CSMD1: variants seen among roughly 807,000 people sequenced by gnomAD.
CSMD1 encodes the protein CUB and Sushi multiple domains 1.
In CSMD1, 213 loss-of-function variants were observed where a neutral mutation model predicts 417.5. The ratio of observed to expected loss-of-function variants is 0.51; its 90% CI spans 0.46 to 0.57. CSMD1 has a LOEUF of 0.57. Ranked by LOEUF, CSMD1 falls within the 20% of genes least tolerant of loss-of-function variation. The probability of loss-of-function intolerance (pLI) is 0.00; values close to 1 mark genes in which losing one functional copy is unlikely to be tolerated. For synonymous variants in CSMD1, 2,862 were observed against 1,736.8 expected (o/e 1.65, Z -16.11); for missense variants, 6,923 against 4,529.7 (o/e 1.53, Z -15.17).
intron 11 of CSMD1, among the ~76,000 whole-genome samples, chr8:3,480,286 C>G (rs368514036): frequency 6.6e-6 from 1 of 152,162 alleles, no homozygotes; most frequent in Non-Finnish European, 1.5e-5. Flanking sequence ...TGCTTGAACC[C>G]AGGAGGCGGA....
intron 2 of CSMD1, among the ~76,000 whole-genome samples, chr8:4,610,947 A>G (rs1442130376): frequency 6.6e-6 from 1 of 152,244 alleles, no homozygotes; most frequent in Non-Finnish European, 1.5e-5. Flanking sequence ...CACATTCGAT[A>G]AAATTGTAGT....
chr8:4,262,231 GA>G (rs1803936993), intron 3 of CSMD1, among the ~76,000 whole-genome samples: 2 of 152,294 alleles, frequency 1.3e-5, no homozygotes, highest in Admixed American at 6.5e-5. Flanking sequence ...ACTTGGATCT[GA>G]GAGTGAAACT....
chr8:4,078,836 G>T (rs1272121586), intron 3 of CSMD1, among the ~76,000 whole-genome samples: 1 of 145,478 alleles, frequency 6.9e-6, no homozygotes, highest in Non-Finnish European at 1.5e-5. Context: ...AGGAGTTCAA[G>T]ATTATGTTGG....
chr8:3,839,112 G>T (rs980463951), intron 5 of CSMD1, among the ~76,000 whole-genome samples: 1 of 120,686 alleles, frequency 8.3e-6, no homozygotes. Flanking sequence ...TATATATATA[G>T]TCTATATGTA....
intron 1 of CSMD1, among the ~76,000 whole-genome samples, chr8:4,990,540 T>C (rs948299939): frequency 2.0e-5 from 3 of 152,244 alleles, no homozygotes; most frequent in African/African-American, 7.2e-5. Flanking sequence ...ATTTCGTATT[T>C]TTTTTGTAGA....
intron 3 of CSMD1, among the ~76,000 whole-genome samples, chr8:4,352,704 A>C (rs746309381): frequency 5.3e-5 from 8 of 152,204 alleles, no homozygotes; most frequent in Non-Finnish European, 8.8e-5. Context: ...TTTTACTTTC[A>C]AGAACACAAA....
chr8:4,705,125 C>T (rs1249005670), intron 1 of CSMD1, among the ~76,000 whole-genome samples: 1 of 152,116 alleles, frequency 6.6e-6, no homozygotes, highest in African/African-American at 2.4e-5. Context: ...CTCTGTCTCT[C>T]CTGCCACCTT....
intron 3 of CSMD1, among the ~76,000 whole-genome samples, chr8:4,296,441 T>C (rs1172784978): frequency 6.6e-6 from 1 of 152,128 alleles, no homozygotes; most frequent in African/African-American, 2.4e-5. Context: ...TAGCATGGCA[T>C]TTGGACTCAT....
At chr8:3,710,128 T>C (rs1305735296) in intron 6 of CSMD1, among the ~76,000 whole-genome samples, 4 of 152,060 alleles carry the variant, frequency 2.6e-5, no homozygotes, top group African/African-American at 7.2e-5. Context: ...CTTTTTGGAT[T>C]TTTTTCCTGA....
chr8:3,162,440 A>C (rs1242107451), intron 37 of CSMD1, among the ~76,000 whole-genome samples, 163 bp from the exon 38 acceptor site: 1 of 152,206 alleles, frequency 6.6e-6, no homozygotes, highest in African/African-American at 2.4e-5. Context: ...GTACCTTTAA[A>C]TCAGAGCTAT....
At chr8:4,461,738 CTTAT>C in intron 2 of CSMD1, among the ~76,000 whole-genome samples, 1 of 83,916 alleles carries the variant, frequency 1.2e-5, no homozygotes, top group East Asian at 3.8e-4. Flanking sequence ...TATTTATTTA[CTTAT>C]TTTTTTTTTT....
intron 3 of CSMD1, among the ~76,000 whole-genome samples, chr8:4,039,318 A>C (rs148962439): frequency 2.6e-5 from 4 of 152,298 alleles, no homozygotes; most frequent in Admixed American, 2.6e-4. Flanking sequence ...CAACGATATC[A>C]AATGTGTTTG....
intron 2 of CSMD1, among the ~76,000 whole-genome samples, chr8:4,605,798 A>C (rs1003120877): frequency 6.6e-6 from 1 of 152,188 alleles, no homozygotes; most frequent in Non-Finnish European, 1.5e-5. Context: ...CAATGCTCTC[A>C]AACACTGGCA....
At chr8:3,267,547 G>C (rs1801524977) in intron 26 of CSMD1, among the ~76,000 whole-genome samples, 3 of 152,166 alleles carry the variant, frequency 2.0e-5, no homozygotes, top group Non-Finnish European at 2.9e-5. Context: ...TGCTGGGCCA[G>C]GGAGCTTCCA....
At chr8:3,638,631 G>T (rs550376584) in intron 7 of CSMD1, among the ~76,000 whole-genome samples, 1 of 152,282 alleles carries the variant, frequency 6.6e-6, no homozygotes, top group Non-Finnish European at 1.5e-5. Flanking sequence ...TCATGTGGAG[G>T]AGCAGGTGAA....
chr8:3,276,397 C>A (rs1351523494), intron 26 of CSMD1, among the ~76,000 whole-genome samples: 1 of 152,160 alleles, frequency 6.6e-6, no homozygotes, highest in Admixed American at 6.6e-5. Context: ...CGGAGCTGTT[C>A]CTATTCGTTC....
At chr8:3,168,876 G>C (rs1563105344) in intron 37 of CSMD1, among the ~76,000 whole-genome samples, 1 of 152,028 alleles carries the variant, frequency 6.6e-6, no homozygotes, top group Non-Finnish European at 1.5e-5. Flanking sequence ...TGCATGTCTG[G>C]TGACAAGGGA....
intron 10 of CSMD1, among the ~76,000 whole-genome samples, chr8:3,573,918 C>A (rs1224916246): frequency 1.3e-5 from 2 of 151,766 alleles, no homozygotes; most frequent in Non-Finnish European, 2.9e-5. Flanking sequence ...AAGATGTCTA[C>A]CTTATTTTTT....
Position 3,387,540 on chromosome 8 carries a change from G to A in CSMD1, c.2736C>T (p.Val912=). 1 of 1,602,626 alleles carries A rather than the reference G, an allele frequency of 6.2e-7. No homozygotes were observed. The highest frequency in any genetic ancestry group is 1.3e-5 in the African/African-American group (1 of 74,798). The change falls in exon 18 of 70, where the codon GTC becomes GTT. Residue 912 remains valine (V), a synonymous_variant. Coordinates refer to ENST00000635120, the MANE Select transcript of CSMD1 (RefSeq NM_033225.6). ...GYTLSDDEPL[V]CERNHQWNHA... is the part of the protein sequence containing the mutation. The stretch of plus-strand genomic sequence containing the variant: ...GGTTCCACTGGTGGTTCCTCTCACA[G>A]ACGAGGGGCTCGTCGTCACTTAGTG...
Sources: gnomAD v4.1 joint callset for allele counts (sites outside exome capture counted in the v4.1 genomes callset) on GRCh38, gnomAD v4.1.1 for gene constraint, MANE v1.5 for transcripts, NCBI Gene and HGNC (gene_info 2026-07-23, HGNC 2026-07-21) for gene names.